The following TNNT3 variants were observed in gnomAD, a reference collection of about 807,000 sequenced individuals.
The protein encoded by TNNT3 is troponin T3, fast skeletal type.
In TNNT3, 36 loss-of-function variants were observed where a neutral mutation model predicts 54.2. The observed-to-expected ratio is 0.66, with a 90% CI of 0.51 to 0.88. TNNT3 has a LOEUF of 0.88. Among genes scored for constraint, TNNT3 ranks in the 40% least tolerant of loss-of-function variants. TNNT3 has a pLI of 0.00. For synonymous variants in TNNT3, 120 were observed against 109.7 expected (o/e 1.09, Z -0.59); for missense variants, 291 against 331.6 (o/e 0.88, Z 0.95).
At chr11:1,926,524 G>A (rs1480653889) in intron 5 of TNNT3, 171 bp from the exon 6 acceptor site, 2 of 1,612,994 alleles carry the variant, frequency 1.2e-6, no homozygotes, top group Admixed American at 3.3e-5. Flanking sequence ...GTGTGGCCAT[G>A]TGGGGGGTGC....
In TNNT3 at chr11:1,929,804, G is replaced by A. The variant is rs200739738; in HGVS notation, c.107-6G>A. On this transcript the variant is annotated splice_polypyrimidine_tract_variant and splice_region_variant and intron_variant, in intron 7 of 15. Transcript: ENST00000278317. ...CCTCTCCCTACGCTGGTGCTGTGTG[G>A]ACCAGAGGAGAAACCGAGACCCAAG... The A allele has an allele frequency of 2.8e-3, 4,391 of 1,551,534 alleles. 7 individuals carry two copies. The highest frequency in any genetic ancestry group is 3.4e-3 in the Non-Finnish European group (3,870 of 1,147,136).
intron 8 of TNNT3, among the ~76,000 whole-genome samples, chr11:1,930,735 A>G (rs989972956): frequency 6.6e-5 from 10 of 152,212 alleles, no homozygotes; most frequent in Non-Finnish European, 1.0e-4. Context: ...TGAAGGGTAC[A>G]GCCGGCGTAT....
intron 14 of TNNT3, among the ~76,000 whole-genome samples, chr11:1,936,440 G>A (rs1201311002): frequency 6.6e-6 from 1 of 152,188 alleles, no homozygotes; most frequent in East Asian, 1.9e-4. Context: ...CTGCCCTGTT[G>A]GCAAGCGAGG....
chr11:1,936,128 G>A (rs1399503847), intron 14 of TNNT3: 3 of 1,491,032 alleles, frequency 2.0e-6, no homozygotes, highest in African/African-American at 1.4e-5. Flanking sequence ...GAGCCTGGAG[G>A]GCCATCACCA....
intron 1 of TNNT3, 193 bp from the exon 2 acceptor site, chr11:1,922,664 G>A (rs1850358966): frequency 1.6e-6 from 1 of 628,810 alleles, no homozygotes; most frequent in Non-Finnish European, 2.9e-6. Flanking sequence ...CAAGAGCTGG[G>A]AGGGGCCAGG....
At chr11:1,937,821 C>T (rs910733661) in intron 15 of TNNT3, among the ~76,000 whole-genome samples, 1 of 152,192 alleles carries the variant, frequency 6.6e-6, no homozygotes, top group African/African-American at 2.4e-5. Flanking sequence ...GGGCAGTCGG[C>T]GTGGTGTGCA....
At chr11:1,922,265 C>G (rs1224636908) in intron 1 of TNNT3, among the ~76,000 whole-genome samples, 1 of 152,058 alleles carries the variant, frequency 6.6e-6, no homozygotes, top group African/African-American at 2.4e-5. Context: ...ACTCTGGGCA[C>G]CCCATAGGAA....
At chr11:1,922,820 C>G in intron 1 of TNNT3, 37 bp from the exon 2 acceptor site, 11 of 1,463,872 alleles carry the variant, frequency 7.5e-6, no homozygotes, top group Non-Finnish European at 9.5e-6. Context: ...CTCTTTCCAT[C>G]CTCTCTCTCT....
At chr11:1,929,357 C>T (rs531597854) in intron 7 of TNNT3, among the ~76,000 whole-genome samples, 2 of 152,152 alleles carry the variant, frequency 1.3e-5, no homozygotes, top group Non-Finnish European at 2.9e-5. Context: ...GCCACCGCTC[C>T]AAGTTTCTGC....
chr11:1,934,295 TC>T, intron 11 of TNNT3, 36 bp from the exon 12 acceptor site: 1 of 1,582,446 alleles, frequency 6.3e-7, no homozygotes, highest in Non-Finnish European at 8.7e-7. Context: ...TAGCCCTCTC[TC>T]CATCCCTGAG....
At chr11:1,936,152 C>A in intron 14 of TNNT3, 1 of 1,598,770 alleles carries the variant, frequency 6.3e-7, no homozygotes, top group Non-Finnish European at 8.6e-7. Flanking sequence ...CAAGCTAGCC[C>A]ACAGCCGGGC....
At chr11:1,923,123 AG>A (rs890657188) in intron 3 of TNNT3, 62 bp downstream of exon 3, 11 of 1,606,598 alleles carry the variant, frequency 6.8e-6, no homozygotes, top group Non-Finnish European at 9.4e-6. Context: ...ACATGTGGGC[AG>A]GGGGCTGGAC....
chr11:1,921,876 C>T (rs1055961185), intron 1 of TNNT3, among the ~76,000 whole-genome samples: 3 of 152,202 alleles, frequency 2.0e-5, no homozygotes, highest in Non-Finnish European at 4.4e-5. Flanking sequence ...CAGGCCTGGC[C>T]GCCCAGTGTG....
At chr11:1,931,543 T>C (rs1853355089) in intron 8 of TNNT3, among the ~76,000 whole-genome samples, 1 of 152,226 alleles carries the variant, frequency 6.6e-6, no homozygotes, top group Non-Finnish European at 1.5e-5. Flanking sequence ...AGCGTTTCCC[T>C]GAGTTTGGGA....
Position 1,926,721 on chromosome 11 carries a change from C to A in TNNT3, c.82+12C>A, listed in dbSNP as rs1047975573. The A allele has an allele frequency of 6.2e-7, 1 of 1,613,126 alleles. No individual in the cohort carries two copies. ...GGAAGTTCAAGAAGGTACGCCGGCGCTCCCCCGCCTCCAGGCCAGAGTCTC... is the reference window on the plus strand; with the variant it reads ...GGAAGTTCAAGAAGGTACGCCGGCGATCCCCCGCCTCCAGGCCAGAGTCTC... On this transcript the variant is annotated intron_variant, in intron 6 of 15. Coordinates refer to ENST00000278317, the MANE Select transcript of TNNT3 (RefSeq NM_006757.4).
At chr11:1,933,687 G>C in intron 9 of TNNT3, 34 bp from the exon 10 acceptor site, 3 of 1,550,136 alleles carry the variant, frequency 1.9e-6, no homozygotes, top group Non-Finnish European at 1.8e-6. Context: ...TTGGAGAGAG[G>C]GGTGGGGCTC....
intron 12 of TNNT3, 50 bp from the exon 13 acceptor site, chr11:1,934,496 C>T (rs1854370494): frequency 1.2e-6 from 2 of 1,607,070 alleles, no homozygotes; most frequent in African/African-American, 1.3e-5. Context: ...TGGGCTACGC[C>T]CTGTGCCCTC....
intron 1 of TNNT3, 110 bp downstream of exon 1, chr11:1,919,872 T>C (rs1369182414): frequency 2.0e-5 from 3 of 152,138 alleles, no homozygotes; most frequent in Non-Finnish European, 4.4e-5. Flanking sequence ...GGCGCTGAGG[T>C]CCCAGGTCCG....
chr11:1,929,682 C>A, intron 7 of TNNT3, 128 bp from the exon 8 acceptor site: 1 of 1,029,714 alleles, frequency 9.7e-7, no homozygotes, highest in Non-Finnish European at 1.5e-6. Context: ...GTACTCCCAG[C>A]TGAAAAGGAC....
Sources: gnomAD v4.1 joint callset for allele counts (sites outside exome capture counted in the v4.1 genomes callset) on GRCh38, gnomAD v4.1.1 for gene constraint, MANE v1.5 for transcripts, NCBI Gene and HGNC (gene_info 2026-07-23, HGNC 2026-07-21) for gene names.